The following PCDHGB3 variants were observed in gnomAD, a reference collection of about 807,000 sequenced individuals.
PCDHGB3 encodes the protein protocadherin gamma subfamily B, 3.
Under a neutral mutation model 59.2 loss-of-function variants are expected in PCDHGB3, and 40 were observed. That is an observed-to-expected ratio of 0.68 (90% CI 0.52 to 0.88). PCDHGB3 has a LOEUF of 0.88. Among genes scored for constraint, PCDHGB3 ranks in the 40% least tolerant of loss-of-function variants. PCDHGB3 has a pLI of 0.00. For missense variants in PCDHGB3, 1,309 were observed against 1,187.9 expected (o/e 1.10, Z -1.50); for synonymous variants, 581 against 503.6 (o/e 1.15, Z -2.06).
intron 1 of PCDHGB3, chr5:141,409,822 C>A (rs983633484): frequency 6.2e-6 from 10 of 1,610,868 alleles, no homozygotes; most frequent in Non-Finnish European, 6.8e-6. Flanking sequence ...ACGGCTCGCC[C>A]ACGCTCAGCG....
intron 1 of PCDHGB3, chr5:141,394,054 AT>A: frequency 6.2e-7 from 1 of 1,613,802 alleles, no homozygotes; most frequent in Non-Finnish European, 8.5e-7. Flanking sequence ...GACCGAGAAA[AT>A]GTCTCTATCT....
At chr5:141,446,102 A>C (rs751362645) in intron 1 of PCDHGB3, among the ~76,000 whole-genome samples, 1 of 152,214 alleles carries the variant, frequency 6.6e-6, no homozygotes, top group Non-Finnish European at 1.5e-5. Context: ...TGAATTATAG[A>C]TATATTTAGG....
chr5:141,419,145 A>T, intron 1 of PCDHGB3: 1 of 1,613,940 alleles, frequency 6.2e-7, no homozygotes, highest in Non-Finnish European at 8.5e-7. Flanking sequence ...GACAGGGGCA[A>T]GCCTCCGTTA....
At position 141,491,111 on chromosome 5, in the gene PCDHGB3, A is replaced by G; in HGVS notation, c.2416-3696A>G. 1 of 1,614,162 alleles carries G rather than the reference A, an allele frequency of 6.2e-7. No individual in the cohort carries two copies. Among genetic ancestry groups the G allele is most frequent in the Non-Finnish European group, 8.5e-7 (1 of 1,180,026 alleles). Reference sequence around the variant, plus strand: ...CCAGGACTGTTCCTCGTGTCTACACACACTGGTGAGGTGCGCACAGCCCGG... The same window carrying G: ...CCAGGACTGTTCCTCGTGTCTACACGCACTGGTGAGGTGCGCACAGCCCGG... On this transcript the variant is annotated intron_variant, in intron 1 of 3. Transcript: ENST00000576222. This position sits in a 1 kb window ranked among gnomAD's most constrained non-coding sequence, Gnocchi z 6.9.
At chr5:141,478,586 T>C (rs754157570) in intron 1 of PCDHGB3, 6 of 1,576,788 alleles carry the variant, frequency 3.8e-6, no homozygotes, top group Non-Finnish European at 3.4e-6. Context: ...GTTAGTGCTT[T>C]TTTATTCCTA....
Position 141,486,486 on chromosome 5 carries a change from A to G in PCDHGB3, c.2416-8321A>G. The G allele has an allele frequency of 6.2e-7, 1 of 1,614,056 alleles. No individual in the cohort carries two copies. Among genetic ancestry groups the G allele is most frequent in the South Asian group, 1.1e-5 (1 of 91,084 alleles). ...GCTGGGAACCCTCCTCTCAGTACCC[A>G]CAGAACTATTTTCCTCAATATTTCA... On this transcript the variant is annotated intron_variant, in intron 1 of 3. Coordinates refer to ENST00000576222, the MANE Select transcript of PCDHGB3 (RefSeq NM_018924.5). The surrounding 1 kb of genome is among the most constrained non-coding windows in gnomAD (Gnocchi z 5.0).
At chr5:141,393,479 C>A (rs375589587) in intron 1 of PCDHGB3, 1 of 1,613,940 alleles carries the variant, frequency 6.2e-7, no homozygotes, top group Non-Finnish European at 8.5e-7. Flanking sequence ...AGCCGCCTCG[C>A]TCTAGCACAG....
chr5:141,398,469 G>A (rs1490431965), intron 1 of PCDHGB3: 1 of 1,604,084 alleles, frequency 6.2e-7, no homozygotes, highest in Admixed American at 1.7e-5. Context: ...AAAATCCACT[G>A]AACTTTTATC....
chr5:141,408,055 C>T lies in PCDHGB3; in HGVS notation c.2415+35246C>T, dbSNP rs1012762205. 35 of 1,299,012 alleles carry T rather than the reference C, an allele frequency of 2.7e-5. No homozygotes were observed. In the South Asian group the frequency reaches 3.8e-4, roughly 14 times the overall value. 80.5% of individuals were successfully genotyped at this position (1,299,012 alleles called of 1,614,324 possible). On this transcript the variant is annotated intron_variant, in intron 1 of 3. Coordinates refer to ENST00000576222, the MANE Select transcript of PCDHGB3 (RefSeq NM_018924.5). ...AAAACCAGCTCCCACACAGAGCCTCCCGGCTGCGCAGACCTTTCCCAGCAC... is the reference window on the plus strand; with the variant it reads ...AAAACCAGCTCCCACACAGAGCCTCTCGGCTGCGCAGACCTTTCCCAGCAC...
intron 1 of PCDHGB3, chr5:141,423,628 AT>A (rs2096762361): frequency 6.2e-7 from 1 of 1,604,844 alleles, no homozygotes; most frequent in Admixed American, 1.7e-5. Flanking sequence ...CTCAGCTATC[AT>A]TTTAGGCAAA....
At chr5:141,434,070 T>C (rs1004240895) in intron 1 of PCDHGB3, among the ~76,000 whole-genome samples, 3 of 152,226 alleles carry the variant, frequency 2.0e-5, no homozygotes, top group Non-Finnish European at 2.9e-5. Context: ...TCTGTTAATA[T>C]CAATTATTTA....
At chr5:141,465,922 T>A (rs7704812) in intron 1 of PCDHGB3, among the ~76,000 whole-genome samples, 42,795 of 151,826 alleles carry the variant, frequency 0.28, 6,697 homozygotes, top group African/African-American at 0.42. Flanking sequence ...GGATTTCGAG[T>A]CCATCCTGGC....
chr5:141,448,784 C>CA (rs576464275), intron 1 of PCDHGB3, among the ~76,000 whole-genome samples: 7,532 of 145,718 alleles, frequency 0.052, 302 homozygotes, highest in African/African-American at 0.11. Flanking sequence ...ACTAAAAATA[C>CA]AAAAAAAAAA....
At chr5:141,510,863 A>G in intron 3 of PCDHGB3, 84 bp from the exon 4 acceptor site, 1 of 1,607,492 alleles carries the variant, frequency 6.2e-7, no homozygotes, top group African/African-American at 1.3e-5. Flanking sequence ...CTGTATAGGC[A>G]TTCATTAACT....
intron 1 of PCDHGB3, among the ~76,000 whole-genome samples, chr5:141,438,252 G>A (rs1181991674): frequency 6.6e-6 from 1 of 152,072 alleles, no homozygotes. Context: ...AACTGTCATT[G>A]AAGAGACCAT....
chr5:141,486,506 A>C lies in PCDHGB3; in HGVS notation c.2416-8301A>C. The C allele has an allele frequency of 6.2e-7, 1 of 1,614,134 alleles. No individual in the cohort carries two copies. The highest frequency in any genetic ancestry group is 8.5e-7 in the Non-Finnish European group (1 of 1,180,006). Reference sequence around the variant, plus strand: ...TACCCACAGAACTATTTTCCTCAATATTTCAGATGTGAATGATAATCCACC... The same window carrying C: ...TACCCACAGAACTATTTTCCTCAATCTTTCAGATGTGAATGATAATCCACC... On this transcript the variant is annotated intron_variant, in intron 1 of 3. Transcript: ENST00000576222. The surrounding 1 kb of genome is among the most constrained non-coding windows in gnomAD (Gnocchi z 5.0).
intron 1 of PCDHGB3, chr5:141,403,714 C>A: frequency 1.2e-6 from 2 of 1,613,910 alleles, no homozygotes; most frequent in South Asian, 1.1e-5. Context: ...TCCTTGAGAA[C>A]GTGCCCCCAG....
At chr5:141,449,349 G>A (rs191322076) in intron 1 of PCDHGB3, among the ~76,000 whole-genome samples, 2 of 151,956 alleles carry the variant, frequency 1.3e-5, no homozygotes, top group African/African-American at 4.8e-5. Flanking sequence ...GCTCACTCCT[G>A]TAATCCCAGC....
intron 1 of PCDHGB3, chr5:141,414,679 G>T: frequency 6.2e-7 from 1 of 1,613,960 alleles, no homozygotes; most frequent in South Asian, 1.1e-5. Context: ...CACCATCCAG[G>T]GGGTACCTCT....
Sources: gnomAD v4.1 joint callset for allele counts (sites outside exome capture counted in the v4.1 genomes callset) on GRCh38, gnomAD v4.1.1 for gene constraint, Gnocchi (gnomAD v3.1) non-coding constraint, MANE v1.5 for transcripts, NCBI Gene and HGNC (gene_info 2026-07-23, HGNC 2026-07-21) for gene names.